Variants in MDGA2 observed in about 807,000 individuals in gnomAD.
MDGA2 encodes the protein MAM domain-containing glycosylphosphatidylinositol anchor protein 2.
A neutral mutation model predicts 117.8 loss-of-function variants in MDGA2; 40 were observed. That is an observed-to-expected ratio of 0.34 (90% CI 0.26 to 0.44). MDGA2 has a LOEUF of 0.44. MDGA2 is among the 20% of genes least tolerant of loss of function. The pLI is 1.00. For synonymous variants in MDGA2, 452 were observed against 439.0 expected, an observed-to-expected ratio of 1.03 and a Z score of -0.37; for missense variants, 1,123 against 1,250.6, an observed-to-expected ratio of 0.90 and a Z score of 1.54.
intron 1 of MDGA2, among the ~76,000 whole-genome samples, chr14:47,658,823 G>C (rs560469432): frequency 1.1e-4 from 16 of 152,304 alleles, no homozygotes; most frequent in Non-Finnish European, 2.1e-4. Flanking sequence ...GTAGAAAAGA[G>C]AGTAAACAGA....
At chr14:47,566,338 C>T (rs748306249) in intron 1 of MDGA2, among the ~76,000 whole-genome samples, 2 of 152,156 alleles carry the variant, frequency 1.3e-5, no homozygotes, top group Non-Finnish European at 2.9e-5. Context: ...AGGCTGGGAT[C>T]CCAGGAGAGG....
At chr14:47,150,786 T>C (rs1434799328) in intron 3 of MDGA2, among the ~76,000 whole-genome samples, 1 of 151,898 alleles carries the variant, frequency 6.6e-6, no homozygotes, top group Non-Finnish European at 1.5e-5. Flanking sequence ...TAGCTGGACA[T>C]GGTGGTGCAT....
intron 2 of MDGA2, among the ~76,000 whole-genome samples, chr14:47,250,988 T>G (rs150593262): frequency 6.6e-6 from 1 of 152,338 alleles, no homozygotes; most frequent in East Asian, 1.9e-4. Flanking sequence ...TGGGTTGATC[T>G]GCTTTCATTC....
intron 2 of MDGA2, among the ~76,000 whole-genome samples, chr14:47,279,581 T>G (rs1463441373): frequency 6.6e-6 from 1 of 152,180 alleles, no homozygotes; most frequent in East Asian, 1.9e-4. Flanking sequence ...ACTTAATGTA[T>G]TCAAACATAC....
At chr14:46,911,442 T>C (rs1465552411) in intron 10 of MDGA2, among the ~76,000 whole-genome samples, 2 of 152,264 alleles carry the variant, frequency 1.3e-5, no homozygotes, top group African/African-American at 2.4e-5. Context: ...TTGTTTCAGC[T>C]ATTTTAGTTA....
rs563637710 is a variant in MDGA2, at chr14:47,390,722, A to C, written c.281-89172T>G. On this transcript the variant is annotated intron_variant, in intron 1 of 16. Coordinates refer to ENST00000399232, the MANE Select transcript of MDGA2 (RefSeq NM_001113498.3). ...CCAGTTTAATGCTTATTCAATAATT[A>C]AACCGGTTTCTTTCTCCTTTACTTT... Among the ~76,000 whole-genome samples the C allele has an allele frequency of 3.9e-5, 6 of 152,282 alleles. No homozygotes were observed. The South Asian group carries it at 1.0e-3, about 26-fold the overall frequency.
intron 3 of MDGA2, among the ~76,000 whole-genome samples, chr14:47,149,399 A>G (rs1240003464): frequency 6.6e-6 from 1 of 152,220 alleles, no homozygotes; most frequent in East Asian, 1.9e-4. Flanking sequence ...CGCTGTTACG[A>G]GAGAGGCCAA....
At chr14:47,091,066 G>C (rs1879627180) in intron 6 of MDGA2, among the ~76,000 whole-genome samples, 1 of 152,128 alleles carries the variant, frequency 6.6e-6, no homozygotes, top group African/African-American at 2.4e-5. Flanking sequence ...TGAATAATCA[G>C]AACAATGTGA....
In MDGA2 at chr14:46,841,970, G is replaced by C. The variant is rs1880632677; in HGVS notation, c.3039C>G (p.Pro1013=). The change falls in exon 17 of 17, where the codon CCC becomes CCG. Residue 1013 remains proline, a synonymous_variant. Coordinates refer to ENST00000399232, the MANE Select transcript of MDGA2 (RefSeq NM_001113498.3). ...VGILVHIWLF[P]IIVLISILSP... Reference sequence around the variant, plus strand: ...TTAAGATAGAGATGAGGACGATAATGGGAAAAAGCCATATATGAACCAAAA... The same window carrying C: ...TTAAGATAGAGATGAGGACGATAATCGGAAAAAGCCATATATGAACCAAAA... The C allele has an allele frequency of 6.2e-7, 1 of 1,612,412 alleles. No individual in the cohort carries two copies. Among genetic ancestry groups the C allele is most frequent in the Non-Finnish European group, 8.5e-7 (1 of 1,179,034 alleles).
intron 1 of MDGA2, among the ~76,000 whole-genome samples, chr14:47,421,046 C>T (rs931029514): frequency 2.0e-5 from 3 of 151,922 alleles, no homozygotes; most frequent in Admixed American, 6.6e-5. Context: ...GGAAGAGTGC[C>T]GCTGTTCTTT....
intron 1 of MDGA2, among the ~76,000 whole-genome samples, chr14:47,634,490 T>G (rs894805960): frequency 6.6e-6 from 1 of 152,130 alleles, no homozygotes. Context: ...ATTCCTCAAA[T>G]GTAAAAACAC....
chr14:47,533,400 G>T lies in MDGA2; in HGVS notation c.280+141117C>A, dbSNP rs114224221. On this transcript the variant is annotated intron_variant, in intron 1 of 16. Transcript: ENST00000399232. ...TGGAAGACCCACCAGCTGATTCTTAGTATATATGTTGGGATTTATTGATTG... is the reference window on the plus strand; with the variant it reads ...TGGAAGACCCACCAGCTGATTCTTATTATATATGTTGGGATTTATTGATTG... 2.4e-3 allele frequency among the ~76,000 whole-genome samples: 365 copies of T among 152,228 alleles called. 1 individual carries two copies. Among genetic ancestry groups the T allele is most frequent in the African/African-American group, 8.3e-3 (344 of 41,526 alleles).
At chr14:47,597,273 T>G (rs1896560847) in intron 1 of MDGA2, among the ~76,000 whole-genome samples, 3 of 152,172 alleles carry the variant, frequency 2.0e-5, no homozygotes, top group South Asian at 2.1e-4. Flanking sequence ...AATCAATAAA[T>G]GATATATATG....
intron 8 of MDGA2, among the ~76,000 whole-genome samples, chr14:46,960,206 G>A (rs927569101): frequency 1.3e-5 from 2 of 152,068 alleles, no homozygotes; most frequent in African/African-American, 4.8e-5. Flanking sequence ...GGGAAACAGA[G>A]CTGGACTCTG....
chr14:47,241,283 T>C (rs185494926), intron 2 of MDGA2, among the ~76,000 whole-genome samples: 22 of 152,028 alleles, frequency 1.4e-4, no homozygotes, highest in Non-Finnish European at 4.4e-5. Context: ...TGGAGGCACA[T>C]GCAGGCAAAA....
chr14:47,126,938 C>A (rs1470276174), intron 5 of MDGA2, among the ~76,000 whole-genome samples: 1 of 152,090 alleles, frequency 6.6e-6, no homozygotes, highest in Non-Finnish European at 1.5e-5. Flanking sequence ...CATAGACTGA[C>A]TGCAATTAAA....
At chr14:47,214,015 G>A (rs568495315) in intron 3 of MDGA2, among the ~76,000 whole-genome samples, 4 of 152,190 alleles carry the variant, frequency 2.6e-5, no homozygotes, top group African/African-American at 9.6e-5. Flanking sequence ...CGAGCGAAGA[G>A]GGGGGTAAAG....
At chr14:47,588,596 G>A (rs1896377450) in intron 1 of MDGA2, among the ~76,000 whole-genome samples, 1 of 151,714 alleles carries the variant, frequency 6.6e-6, no homozygotes, top group African/African-American at 2.4e-5. Flanking sequence ...TTCTTGTTGA[G>A]TTTTAAAGTT....
At chr14:47,644,750 G>A (rs1897493401) in intron 1 of MDGA2, among the ~76,000 whole-genome samples, 1 of 151,898 alleles carries the variant, frequency 6.6e-6, no homozygotes, top group Non-Finnish European at 1.5e-5. Flanking sequence ...TGTATGAGAT[G>A]ACGGACATGC....
Sources: gnomAD v4.1 joint callset for allele counts (sites outside exome capture counted in the v4.1 genomes callset) on GRCh38, gnomAD v4.1.1 for gene constraint, MANE v1.5 for transcripts, NCBI Gene and HGNC (gene_info 2026-07-23, HGNC 2026-07-21) for gene names.